Variants in CABLES2 observed in about 807,000 individuals in gnomAD.
CABLES2 encodes Cdk5 and Abl enzyme substrate 2, also known as CDK5 and ABL1 enzyme substrate 2.
In CABLES2, 35 loss-of-function variants were observed where a neutral mutation model predicts 44.8. The ratio of observed to expected loss-of-function variants is 0.78; its 90% CI spans 0.60 to 1.04. CABLES2 has a LOEUF of 1.04. Ranked by LOEUF, CABLES2 falls within the 50% of genes least tolerant of loss-of-function variation. CABLES2 has a pLI of 0.00. For synonymous variants in CABLES2, 282 were observed against 281.1 expected (o/e 1.00, Z -0.03); for missense variants, 566 against 615.7 (o/e 0.92, Z 0.85).
chr20:62,394,283 G>T lies in CABLES2; in HGVS notation c.606-18C>A. On this transcript the variant is annotated intron_variant, in intron 4 of 9. Transcript: ENST00000279101. ...TCAGGTCACTGCAAACATGGGAGAG[G>T]CAAGGGGCTGTGGTCTGCGCTGAAC... 2 of 1,603,056 alleles carry T rather than the reference G, an allele frequency of 1.2e-6. No homozygotes were observed. Among genetic ancestry groups the T allele is most frequent in the Non-Finnish European group, 1.7e-6 (2 of 1,171,704 alleles).
chr20:62,390,811 A>G lies in CABLES2; in HGVS notation c.*160T>C. 1.3e-6 allele frequency: 1 copy of G among 763,210 alleles called. No homozygotes were observed. 47.3% of individuals were successfully genotyped at this position (763,210 alleles called of 1,614,324 possible). A position where few individuals can be genotyped will look rare whatever the true frequency, so the allele number is the denominator to read the frequency against. On this transcript the variant is annotated 3_prime_UTR_variant, in exon 10 of 10. Coordinates refer to ENST00000279101, the MANE Select transcript of CABLES2 (RefSeq NM_031215.3). Reference sequence around the variant, plus strand: ...GAAAGCGACGTCTCTTTCCAAGGAAATGGCAAAGAGGCAAAAAGGAAAGCT... The same window carrying G: ...GAAAGCGACGTCTCTTTCCAAGGAAGTGGCAAAGAGGCAAAAAGGAAAGCT...
chr20:62,393,381 C>T, intron 6 of CABLES2, 59 bp downstream of exon 6: 1 of 1,508,688 alleles, frequency 6.6e-7, no homozygotes, highest in Non-Finnish European at 9.0e-7. Context: ...AGTCCCTGGG[C>T]CGTGGTTAAG....
rs1988014605 is a variant in CABLES2 at position 62,396,165 on chromosome 20, G to A, written c.527+150C>T. 2 of 696,694 alleles carry A rather than the reference G, an allele frequency of 2.9e-6. No homozygotes were observed. Among genetic ancestry groups the A allele is most frequent in the South Asian group, 1.6e-5 (1 of 60,832 alleles). The allele number at this position is 696,694 out of a possible 1,614,324, so 43.2% of individuals were successfully genotyped here. ...CGGCTGATGTGGAGCAAGCAGTGTG[G>A]TGGGGAGGAGGGCCCACCTCTAGAG... On this transcript the variant is annotated intron_variant, in intron 3 of 9. Coordinates refer to ENST00000279101, the MANE Select transcript of CABLES2 (RefSeq NM_031215.3). The surrounding 1 kb of genome is among the most constrained non-coding windows in gnomAD (Gnocchi z 5.7).
Position 62,390,897 on chromosome 20 carries a change from C to T in CABLES2, c.*74G>A, listed in dbSNP as rs760108664. The T allele has an allele frequency of 1.4e-5, 22 of 1,574,280 alleles. No homozygotes were observed. Among genetic ancestry groups the T allele is most frequent in the African/African-American group, 9.4e-5 (7 of 74,122 alleles). On this transcript the variant is annotated 3_prime_UTR_variant, in exon 10 of 10. Coordinates refer to ENST00000279101, the MANE Select transcript of CABLES2 (RefSeq NM_031215.3). ...TGCTGGGGGTGCTGGCAGGAGGAGGCGCGGGGCTTCAGTGGGACACCTCCC... is the reference window on the plus strand; with the variant it reads ...TGCTGGGGGTGCTGGCAGGAGGAGGTGCGGGGCTTCAGTGGGACACCTCCC...
intron 1 of CABLES2, among the ~76,000 whole-genome samples, chr20:62,397,914 G>GTGGTGA (rs1988050099): frequency 1.9e-5 from 2 of 107,658 alleles, no homozygotes; most frequent in Non-Finnish European, 4.2e-5. Flanking sequence ...GATGGTGATG[G>GTGGTGA]CAGTGGTGAT....
At position 62,406,833 on chromosome 20, in the gene CABLES2, C is replaced by T. The variant is rs112327093; in HGVS notation, c.362+82G>A. 1,818 of 801,746 alleles carry T rather than the reference C, an allele frequency of 2.3e-3. 7 individuals carry two copies. The highest frequency in any genetic ancestry group is 1.7e-3 in the Admixed American group (34 of 19,938). The allele number at this position is 801,746 out of a possible 1,614,324, so 49.7% of individuals were successfully genotyped here. On this transcript the variant is annotated intron_variant, in intron 1 of 9. Coordinates refer to ENST00000279101, the MANE Select transcript of CABLES2 (RefSeq NM_031215.3). ...CTGATGAGGCCCCAAGTAATCCTGA[C>T]CCCTAGTCCTGGGCTGATCCGGCCC...
chr20:62,392,424 G>A lies in CABLES2; in HGVS notation c.1056C>T (p.Phe352=). 1 of 1,614,044 alleles carries A rather than the reference G, an allele frequency of 6.2e-7. No individual in the cohort carries two copies. Among genetic ancestry groups the A allele is most frequent in the East Asian group, 2.2e-5 (1 of 44,872 alleles). ...TGCTCAGCGTCAGTTTGACATGGGG[G>A]AACTTCTCCCTGAAGGTCTCGTTCA... ...KDMNETFREK[F]PHVKLTLSKI... The change falls in exon 8 of 10, where the codon TTC becomes TTT. Residue 352 remains phenylalanine (F), a synonymous_variant. Coordinates refer to ENST00000279101, the MANE Select transcript of CABLES2 (RefSeq NM_031215.3).
In CABLES2 at chr20:62,398,197, T is replaced by C. The variant is rs1248344310; in HGVS notation, c.363-1605A>G. On this transcript the variant is annotated intron_variant, in intron 1 of 9. Coordinates refer to ENST00000279101, the MANE Select transcript of CABLES2 (RefSeq NM_031215.3). ...ATGGTGGTGGTGGTGATGGTGATGA[T>C]GGTGGTGATGGTGATGTGATGGTGG... 1.7e-4 allele frequency among the ~76,000 whole-genome samples: 18 copies of C among 103,154 alleles called. No individual in the cohort carries two copies. The East Asian group carries it at 2.2e-3, about 12-fold the overall frequency. The allele number at this position is 103,154 out of a possible 152,430, so 67.7% of individuals were successfully genotyped here.
rs1422092064 is a variant in CABLES2, at chr20:62,398,074, T to C, written c.363-1482A>G. Reference sequence around the variant, plus strand: ...GTGATGGCGATGGTGGTGGTGACGGTGGTGGTGGTGGTGACGGTGGTGGTG... The same window carrying C: ...GTGATGGCGATGGTGGTGGTGACGGCGGTGGTGGTGGTGACGGTGGTGGTG... On this transcript the variant is annotated intron_variant, in intron 1 of 9. Transcript: ENST00000279101. Among the ~76,000 whole-genome samples, 340 of 39,166 alleles carry C rather than the reference T, an allele frequency of 8.7e-3. 21 individuals carry two copies. The highest frequency in any genetic ancestry group is 0.018 in the Middle Eastern group (1 of 56). 25.7% of individuals were successfully genotyped at this position (39,166 alleles called of 152,430 possible).
intron 6 of CABLES2, 101 bp from the exon 7 acceptor site, chr20:62,393,124 G>C (rs1987951271): frequency 9.6e-7 from 1 of 1,036,922 alleles, no homozygotes; most frequent in Admixed American, 2.0e-5. Flanking sequence ...AGGCCGAGCA[G>C]GGGAGGGGCT....
At chr20:62,398,083 T>C (rs140128129) in intron 1 of CABLES2, among the ~76,000 whole-genome samples, 1,493 of 68,708 alleles carry the variant, frequency 0.022, 43 homozygotes, top group Middle Eastern at 0.038. Context: ...GTGGTGGTGG[T>C]GGTGACGGTG....
chr20:62,404,673 G>GC (rs1293584457), intron 1 of CABLES2: 1 of 152,400 alleles, frequency 6.6e-6, no homozygotes, highest in Non-Finnish European at 1.5e-5. Flanking sequence ...TGGCAGCAGA[G>GC]CCCCAGGAGG....
chr20:62,393,670 C>A, intron 5 of CABLES2, 65 bp from the exon 6 acceptor site: 1 of 1,493,098 alleles, frequency 6.7e-7, no homozygotes, highest in Non-Finnish European at 9.0e-7. Context: ...AGTGAGCTCC[C>A]GCTGCAGGAA....
intron 1 of CABLES2, among the ~76,000 whole-genome samples, chr20:62,398,687 G>A (rs1988132264): frequency 1.3e-5 from 2 of 152,186 alleles, no homozygotes; most frequent in Non-Finnish European, 1.5e-5. Flanking sequence ...CCCACACCAT[G>A]CCCTTGCCAG....
At chr20:62,395,860 C>T (rs919223478) in intron 3 of CABLES2, among the ~76,000 whole-genome samples, 4 of 152,202 alleles carry the variant, frequency 2.6e-5, no homozygotes, top group Non-Finnish European at 5.9e-5. Flanking sequence ...ACAGCCCCTG[C>T]GGCCTCCCCG....
In CABLES2 at chr20:62,390,609, G is replaced by A. The variant is rs1381593372; in HGVS notation, c.*362C>T. Reference sequence around the variant, plus strand: ...GCTGCGGTGGTTTGCAGAAGGCGAGGCCAGGGGAGACACACTGCAGCCGGC... The same window carrying A: ...GCTGCGGTGGTTTGCAGAAGGCGAGACCAGGGGAGACACACTGCAGCCGGC... On this transcript the variant is annotated 3_prime_UTR_variant, in exon 10 of 10. Transcript: ENST00000279101. The A allele has an allele frequency of 3.8e-6, 1 of 264,000 alleles. No individual in the cohort carries two copies. Among genetic ancestry groups the A allele is most frequent in the Non-Finnish European group, 7.4e-6 (1 of 135,292 alleles). 16.4% of individuals were successfully genotyped at this position (264,000 alleles called of 1,614,324 possible).
At chr20:62,394,375 AG>A (rs1161428807) in intron 4 of CABLES2, 110 bp from the exon 5 acceptor site, 2 of 789,342 alleles carry the variant, frequency 2.5e-6, no homozygotes, top group African/African-American at 3.4e-5. Context: ...ATGTCAGCAC[AG>A]CCCCTCGGGA....
chr20:62,400,392 C>T (rs1397867836), intron 1 of CABLES2, among the ~76,000 whole-genome samples: 1 of 152,150 alleles, frequency 6.6e-6, no homozygotes, highest in Non-Finnish European at 1.5e-5. Context: ...TCCCGAGAGG[C>T]CCAGGTGAGT....
Position 62,398,074 on chromosome 20 carries a change from T to TGGTGGTGGTGGTGATGGTGGTGGTGGC in CABLES2, c.363-1483_363-1482insGCCACCACCACCATCACCACCACCACC, listed in dbSNP as rs1569017498. ...GTGATGGCGATGGTGGTGGTGACGG[T>TGGTGGTGGTGGTGATGGTGGTGGTGGC]GGTGGTGGTGGTGACGGTGGTGGTG... On this transcript the variant is annotated intron_variant, in intron 1 of 9. Coordinates refer to ENST00000279101, the MANE Select transcript of CABLES2 (RefSeq NM_031215.3). 1.8e-4 allele frequency among the ~76,000 whole-genome samples: 7 copies of TGGTGGTGGTGGTGATGGTGGTGGTGGC among 39,234 alleles called. No homozygotes were observed. The East Asian group carries it at 5.8e-3, about 32-fold the overall frequency. 25.7% of individuals were successfully genotyped at this position (39,234 alleles called of 152,430 possible).
Sources: gnomAD v4.1 joint callset for allele counts (sites outside exome capture counted in the v4.1 genomes callset) on GRCh38, gnomAD v4.1.1 for gene constraint, Gnocchi (gnomAD v3.1) non-coding constraint, MANE v1.5 for transcripts, NCBI Gene and HGNC (gene_info 2026-07-23, HGNC 2026-07-21) for gene names.